FSTL5: variants seen among roughly 807,000 people sequenced by gnomAD.
FSTL5 encodes the protein follistatin like 5.
In FSTL5, 62 loss-of-function variants were observed where a neutral mutation model predicts 89.1. The observed-to-expected ratio is 0.70, with a 90% CI of 0.57 to 0.86. The LOEUF (loss-of-function observed/expected upper bound fraction) is 0.86. Among genes scored for constraint, FSTL5 ranks in the 40% least tolerant of loss-of-function variants. The probability of loss-of-function intolerance (pLI) is 0.00; values close to 1 mark genes in which losing one functional copy is unlikely to be tolerated. For missense variants in FSTL5, 1,057 were observed against 1,001.6 expected, an observed-to-expected ratio of 1.06 and a Z score of -0.75; for synonymous variants, 383 against 346.2, an observed-to-expected ratio of 1.11 and a Z score of -1.18.
intron 2 of FSTL5, among the ~76,000 whole-genome samples, chr4:162,096,799 G>C (rs1260312596): frequency 6.6e-6 from 1 of 151,916 alleles, no homozygotes; most frequent in Admixed American, 6.6e-5. Context: ...CAAAAATAAA[G>C]TTATAGGATT....
intron 4 of FSTL5, among the ~76,000 whole-genome samples, chr4:161,815,571 G>A (rs925561232): frequency 1.3e-5 from 2 of 151,988 alleles, no homozygotes; most frequent in African/African-American, 4.8e-5. Flanking sequence ...ATTTGAGTTT[G>A]CCAAAGATAG....
intron 4 of FSTL5, among the ~76,000 whole-genome samples, chr4:161,837,580 A>ATTCC (rs1731086634): frequency 6.6e-6 from 1 of 152,114 alleles, no homozygotes; most frequent in Non-Finnish European, 1.5e-5. Flanking sequence ...TCAACTAGGT[A>ATTCC]AAGCACTTTA....
At chr4:162,162,918 G>T (rs536302983) in intron 1 of FSTL5, among the ~76,000 whole-genome samples, 1 of 152,272 alleles carries the variant, frequency 6.6e-6, no homozygotes, top group East Asian at 1.9e-4. Flanking sequence ...ACCTGAGGGG[G>T]TTGCAAGGGG....
chr4:162,014,410 C>A (rs1433902540), intron 3 of FSTL5, among the ~76,000 whole-genome samples: 1 of 152,158 alleles, frequency 6.6e-6, no homozygotes, highest in Non-Finnish European at 1.5e-5. Flanking sequence ...TCAAATTCCA[C>A]TTTGCATTCA....
At chr4:161,913,656 A>C (rs1733760701) in intron 4 of FSTL5, among the ~76,000 whole-genome samples, 1 of 152,212 alleles carries the variant, frequency 6.6e-6, no homozygotes, top group Non-Finnish European at 1.5e-5. Context: ...CTGCAAAGCC[A>C]CAGTGGCAGA....
intron 3 of FSTL5, among the ~76,000 whole-genome samples, chr4:161,941,390 A>C (rs1453486315): frequency 6.6e-6 from 1 of 151,938 alleles, no homozygotes; most frequent in Non-Finnish European, 1.5e-5. Flanking sequence ...ATTATATGCT[A>C]TCTACAAGTA....
intron 13 of FSTL5, among the ~76,000 whole-genome samples, chr4:161,478,600 A>AT (rs60233588): frequency 0.23 from 35,066 of 151,318 alleles, 4,401 homozygotes; most frequent in Non-Finnish European, 0.29. Context: ...AAAATCACCG[A>AT]TTTTTTTTTA....
In FSTL5 at chr4:161,530,400, TTATA is replaced by T. The variant is rs1323197971; in HGVS notation, c.1312+7762_1312+7765del. Among the ~76,000 whole-genome samples the T allele has an allele frequency of 1.3e-4, 18 of 134,908 alleles. 2 individuals carry two copies. The highest frequency in any genetic ancestry group is 4.6e-4 in the African/African-American group (18 of 38,926). 88.5% of individuals were successfully genotyped at this position (134,908 alleles called of 152,430 possible). On this transcript the variant is annotated intron_variant, in intron 10 of 15. Coordinates refer to ENST00000306100, the MANE Select transcript of FSTL5 (RefSeq NM_020116.5). ...ATTAACTTACATAAATAGTATATGT[TTATA>T]TAATTTATTTACGCAAATAATCTTG...
At chr4:161,628,329 T>G (rs1735381790) in intron 7 of FSTL5, among the ~76,000 whole-genome samples, 1 of 151,956 alleles carries the variant, frequency 6.6e-6, no homozygotes, top group Non-Finnish European at 1.5e-5. Context: ...GTAAATTATT[T>G]TAAAAAGCAA....
rs558972412 is a variant in FSTL5 at position 161,845,372 on chromosome 4, T to C, written c.410-69298A>G. Among the ~76,000 whole-genome samples, 13 of 152,336 alleles carry C rather than the reference T, an allele frequency of 8.5e-5. No homozygotes were observed. In the South Asian group the frequency reaches 1.7e-3, roughly 19 times the overall value. On this transcript the variant is annotated intron_variant, in intron 4 of 15. Transcript: ENST00000306100. ...TCTTAAAACAGGCATGGATATTGTT[T>C]TTCAGGCTTCAGAGTACTTGGGAGC... is the stretch of plus-strand genomic sequence containing the variant.
At position 161,574,356 on chromosome 4, in the gene FSTL5, T is replaced by A. The variant is rs547857302; in HGVS notation, c.1015+13099A>T. Reference sequence around the variant, plus strand: ...TTCTTTTTTTTTTCTTTTTTTTTTTTAAATTTTACTTTAAGTTCTGGGATA... The same window carrying A: ...TTCTTTTTTTTTTCTTTTTTTTTTTAAAATTTTACTTTAAGTTCTGGGATA... On this transcript the variant is annotated intron_variant, in intron 8 of 15. Coordinates refer to ENST00000306100, the MANE Select transcript of FSTL5 (RefSeq NM_020116.5). Among the ~76,000 whole-genome samples the A allele has an allele frequency of 3.9e-3, 593 of 151,526 alleles. 7 individuals are homozygous for A. Among genetic ancestry groups the A allele is most frequent in the South Asian group, 8.1e-3 (39 of 4,786 alleles).
chr4:161,725,941 C>T (rs1393315739), intron 6 of FSTL5, among the ~76,000 whole-genome samples: 2 of 152,090 alleles, frequency 1.3e-5, no homozygotes, highest in African/African-American at 4.8e-5. Flanking sequence ...ACTTTTAATG[C>T]CAAAAACCAC....
intron 10 of FSTL5, among the ~76,000 whole-genome samples, chr4:161,519,780 G>A (rs1014615573): frequency 2.6e-5 from 4 of 152,106 alleles, no homozygotes; most frequent in South Asian, 4.1e-4. Flanking sequence ...GATAAATAGG[G>A]AAGAAACATT....
intron 2 of FSTL5, among the ~76,000 whole-genome samples, chr4:162,040,584 T>C (rs1426484946): frequency 6.6e-6 from 1 of 152,056 alleles, no homozygotes; most frequent in East Asian, 1.9e-4. Context: ...AAAATAGAGA[T>C]ATGGTCACTC....
intron 7 of FSTL5, among the ~76,000 whole-genome samples, chr4:161,613,515 A>T (rs965589747): frequency 2.6e-5 from 4 of 151,966 alleles, no homozygotes; most frequent in African/African-American, 9.7e-5. Context: ...AAGGTTGATG[A>T]TGGTTAGAGA....
intron 7 of FSTL5, among the ~76,000 whole-genome samples, chr4:161,620,333 G>A (rs1735076980): frequency 1.3e-5 from 2 of 152,034 alleles, no homozygotes; most frequent in Non-Finnish European, 2.9e-5. Flanking sequence ...AAAACGTAAA[G>A]TATAATAATA....
intron 6 of FSTL5, among the ~76,000 whole-genome samples, chr4:161,714,422 A>T (rs563193828): frequency 1.3e-5 from 2 of 152,030 alleles, no homozygotes; most frequent in African/African-American, 2.4e-5. Flanking sequence ...GACATAAAAC[A>T]TTCCAGAAAT....
intron 10 of FSTL5, among the ~76,000 whole-genome samples, chr4:161,513,275 GAGAGAGAGAGA>G (rs1730710271): frequency 1.8e-4 from 1 of 5,566 alleles, no homozygotes. Context: ...AGGAGGGGGA[GAGAGAGAGAGA>G]GAGAGAGAGA....
At chr4:161,513,939 A>T (rs539750455) in intron 10 of FSTL5, among the ~76,000 whole-genome samples, 130 of 152,218 alleles carry the variant, frequency 8.5e-4, no homozygotes, top group African/African-American at 3.1e-3. Flanking sequence ...CATGACACAC[A>T]TTTACCTATG....
Sources: allele counts gnomAD v4.1 joint callset (sites outside exome capture counted in the v4.1 genomes callset), GRCh38; gene constraint gnomAD v4.1.1; transcripts MANE v1.5; gene names NCBI Gene and HGNC (gene_info 2026-07-23, HGNC 2026-07-21).